ABCA12: variants seen among roughly 807,000 people sequenced by gnomAD.
ABCA12 encodes ATP binding cassette subfamily A member 12, also known as glucosylceramide transporter ABCA12.
ABCA12 carries 156 observed loss-of-function variants against 293.5 expected under a neutral mutation model. The observed-to-expected ratio is 0.53, with a 90% CI of 0.47 to 0.61. The LOEUF (loss-of-function observed/expected upper bound fraction) is 0.61. Among genes scored for constraint, ABCA12 ranks in the 20% least tolerant of loss-of-function variants. The pLI is 0.00. For missense variants in ABCA12, 2,797 were observed against 3,090.2 expected, an observed-to-expected ratio of 0.91 and a Z score of 2.25; for synonymous variants, 1,063 against 1,108.0, an observed-to-expected ratio of 0.96 and a Z score of 0.81.
chr2:215,002,334 G>A (rs1422164090), intron 20 of ABCA12, among the ~76,000 whole-genome samples: 1 of 152,086 alleles, frequency 6.6e-6, no homozygotes, highest in East Asian at 1.9e-4. Context: ...GTATTAATCT[G>A]ACAAAATGAT....
intron 1 of ABCA12, among the ~76,000 whole-genome samples, 168 bp downstream of exon 1, chr2:215,137,972 G>A (rs753322132): frequency 1.3e-5 from 2 of 151,880 alleles, no homozygotes; most frequent in East Asian, 1.9e-4. Context: ...GTTAAGACTC[G>A]CTCCATTAGC....
chr2:215,099,961 C>G (rs546301173), intron 2 of ABCA12, among the ~76,000 whole-genome samples: 1 of 152,004 alleles, frequency 6.6e-6, no homozygotes. Context: ...AATCTAGACT[C>G]CTAGTCTAGT....
At chr2:215,064,693 G>GCACACACA (rs10541959) in intron 2 of ABCA12, among the ~76,000 whole-genome samples, 3 of 139,912 alleles carry the variant, frequency 2.1e-5, no homozygotes, top group Non-Finnish European at 4.6e-5. Flanking sequence ...TTTAATACAC[G>GCACACACA]CACACACACA....
At chr2:215,036,055 CTG>C (rs1700984860) in intron 8 of ABCA12, among the ~76,000 whole-genome samples, 2 of 151,866 alleles carry the variant, frequency 1.3e-5, no homozygotes, top group South Asian at 4.2e-4. Context: ...AAGAGTAATC[CTG>C]TTTTTCTAAT....
At chr2:215,025,628 G>GTTTTTTTTTGTTTTTTTTTTTTTTTT (rs1700723198) in intron 11 of ABCA12, 45 bp downstream of exon 11, 1 of 1,203,812 alleles carries the variant, frequency 8.3e-7, no homozygotes, top group South Asian at 1.4e-5. Flanking sequence ...TTGTCTTTTT[G>GTTTTTTTTTGTTTTTTTTTTTTTTTT]TTTTTTTTTT....
rs375166827 is a variant in ABCA12, at chr2:215,064,166, T to G, written c.217A>C (p.Thr73Pro). 1 of 1,612,720 alleles carries G rather than the reference T, an allele frequency of 6.2e-7. No homozygotes were observed. Among genetic ancestry groups the G allele is most frequent in the African/African-American group, 1.3e-5 (1 of 74,882 alleles). ...PSTGFFPFLQTLLCDTDSKCK... is the reference protein window; with the variant it reads ...PSTGFFPFLQPLLCDTDSKCK... ...TTAGAGTCTGTGTCACAGAGTAGGG[T>G]CTGCAGGAATGGAAAGAATCCAGTA... is the stretch of plus-strand genomic sequence containing the variant. The change falls in exon 3 of 53, where the codon ACC becomes CCC. Residue 73 changes from threonine (T) to proline (P), a missense_variant. This residue lies in a region of ABCA12 where 656 missense variants were observed against 638.2 expected (regional missense o/e 1.03). Transcript: ENST00000272895.
In ABCA12 at chr2:214,999,047, G is replaced by A. The variant is rs933131387; in HGVS notation, c.3180-1238C>T. Among the ~76,000 whole-genome samples the A allele has an allele frequency of 5.3e-5, 8 of 152,288 alleles. No homozygotes were observed. The East Asian group carries it at 1.3e-3, about 26-fold the overall frequency. ...TTCAGTATCACTTTAGCATGCAGAA[G>A]TGTGTCATTATCAGAGAGATGAGGT... On this transcript the variant is annotated intron_variant, in intron 22 of 52. Transcript: ENST00000272895.
intron 17 of ABCA12, 89 bp downstream of exon 17, chr2:215,011,350 T>G: frequency 1.0e-6 from 1 of 996,550 alleles, no homozygotes; most frequent in Non-Finnish European, 1.5e-6. Context: ...AAATTAATAC[T>G]TCATTTATCA....
At chr2:214,933,726 C>G (rs1159425038) in intron 52 of ABCA12, among the ~76,000 whole-genome samples, 1 of 152,058 alleles carries the variant, frequency 6.6e-6, no homozygotes, top group African/African-American at 2.4e-5. Context: ...ATCCAGGAAG[C>G]CAATCAATAG....
chr2:214,974,854 G>C lies in ABCA12; in HGVS notation c.5392C>G (p.Pro1798Ala), dbSNP rs746723389. 2.5e-6 allele frequency: 4 copies of C among 1,613,922 alleles called. No homozygotes were observed. The highest frequency in any genetic ancestry group is 3.4e-6 in the Non-Finnish European group (4 of 1,179,846). ...GCTGAGACAAGTGCTTCCGTGCTCGGGTGATAATTACTGCAATATGAAAGG... is the reference window on the plus strand; with the variant it reads ...GCTGAGACAAGTGCTTCCGTGCTCGCGTGATAATTACTGCAATATGAAAGG... Reference protein sequence around the residue: ...EQTAFYANYHPSTEALVSAMW... With the variant: ...EQTAFYANYHASTEALVSAMW... The change falls in exon 35 of 53, where the codon CCG becomes GCG. Residue 1798 changes from proline to alanine, a missense_variant. Physicochemically the swap from Pro to Ala is conservative, Grantham distance 27 (BLOSUM62 -1). Coordinates refer to ENST00000272895, the MANE Select transcript of ABCA12 (RefSeq NM_173076.3).
At chr2:215,121,962 A>G (rs1332934144) in intron 1 of ABCA12, among the ~76,000 whole-genome samples, 4 of 152,190 alleles carry the variant, frequency 2.6e-5, no homozygotes, top group African/African-American at 9.7e-5. Context: ...GTATGTCTTT[A>G]TTAGCAGCAT....
At chr2:215,104,830 G>A (rs755016859) in intron 2 of ABCA12, among the ~76,000 whole-genome samples, 2 of 152,178 alleles carry the variant, frequency 1.3e-5, no homozygotes, top group Non-Finnish European at 2.9e-5. Flanking sequence ...CCAGGTGGAT[G>A]TAGCTGGGAA....
At chr2:215,017,640 C>CTT (rs1220749816) in intron 14 of ABCA12, 75 of 156,458 alleles carry the variant, frequency 4.8e-4, no homozygotes, top group Non-Finnish European at 6.2e-4. Flanking sequence ...GAATATAATT[C>CTT]TTTTTTTTTT....
At chr2:214,970,251 T>C in intron 37 of ABCA12, 22 bp downstream of exon 37, 3 of 1,593,420 alleles carry the variant, frequency 1.9e-6, no homozygotes, top group Non-Finnish European at 2.6e-6. Context: ...CAATTAAATA[T>C]GTTATAAACA....
chr2:214,983,939 G>A (rs1271980887), intron 28 of ABCA12, 74 bp from the exon 29 acceptor site: 1 of 1,325,184 alleles, frequency 7.5e-7, no homozygotes, highest in African/African-American at 1.5e-5. Context: ...CTATATCTCA[G>A]TTGTTAGAAG....
At chr2:215,016,000 C>G (rs1446151193) in intron 14 of ABCA12, among the ~76,000 whole-genome samples, 1 of 151,566 alleles carries the variant, frequency 6.6e-6, no homozygotes, top group South Asian at 2.1e-4. Context: ...ATAAATTAGC[C>G]GGGCGTGGTG....
chr2:214,962,188 A>T (rs1399041148), intron 39 of ABCA12: 1 of 152,188 alleles, frequency 6.6e-6, no homozygotes, highest in Non-Finnish European at 1.5e-5. Context: ...TATATTTTTT[A>T]AAAGTCTGTT....
chr2:215,107,607 A>G (rs1005418903), intron 2 of ABCA12, among the ~76,000 whole-genome samples: 15 of 152,180 alleles, frequency 9.9e-5, no homozygotes, highest in African/African-American at 1.2e-4. Context: ...ACCAGCACCA[A>G]TGGTGTCAGG....
Position 215,107,241 on chromosome 2 carries a change from G to A in ABCA12, c.163+4356C>T, listed in dbSNP as rs575306177. On this transcript the variant is annotated intron_variant, in intron 2 of 52. Coordinates refer to ENST00000272895, the MANE Select transcript of ABCA12 (RefSeq NM_173076.3). ...TTCATGGGTATGTGTGTATTAAAGG[G>A]AGACAAAATAAGCTTGCCGCACATT... Among the ~76,000 whole-genome samples the A allele has an allele frequency of 5.9e-5, 9 of 152,280 alleles. No individual in the cohort carries two copies. In the South Asian group the frequency reaches 1.7e-3, roughly 28 times the overall value.
Sources: gnomAD v4.1 joint callset for allele counts (sites outside exome capture counted in the v4.1 genomes callset) on GRCh38, gnomAD v4.1.1 for gene constraint, gnomAD v4.1.1 regional missense constraint, MANE v1.5 for transcripts, NCBI Gene and HGNC (gene_info 2026-07-23, HGNC 2026-07-21) for gene names.